MACROD2: variants seen among roughly 807,000 people sequenced by gnomAD.
MACROD2 encodes the protein ADP-ribose glycohydrolase MACROD2.
MACROD2 carries 36 observed loss-of-function variants against 70.4 expected under a neutral mutation model. The observed-to-expected ratio is 0.51, with a 90% CI of 0.39 to 0.68. The LOEUF (loss-of-function observed/expected upper bound fraction) is 0.68. MACROD2 is among the 30% of genes least tolerant of loss of function. MACROD2 has a pLI of 0.00. For missense variants in MACROD2, 496 were observed against 538.4 expected (o/e 0.92, Z 0.78); for synonymous variants, 172 against 178.8 (o/e 0.96, Z 0.30).
In MACROD2 at chr20:15,671,260, G is replaced by A. The variant is rs376712547; in HGVS notation, c.645+171413G>A. The stretch of plus-strand genomic sequence containing the variant: ...AGTTCCTAAAACAGCAAGATGGCAA[G>A]CCCCAATCCTCTTTGCAAGCTTTTA... On this transcript the variant is annotated intron_variant, in intron 8 of 17. Coordinates refer to ENST00000684519, the MANE Select transcript of MACROD2 (RefSeq NM_001351661.2). Among the ~76,000 whole-genome samples the A allele has an allele frequency of 2.6e-5, 4 of 152,190 alleles. No individual in the cohort carries two copies. The East Asian group carries it at 5.8e-4, about 22-fold the overall frequency.
intron 4 of MACROD2, among the ~76,000 whole-genome samples, chr20:14,646,777 C>A (rs1469770016): frequency 6.6e-6 from 1 of 152,060 alleles, no homozygotes; most frequent in African/African-American, 2.4e-5. Context: ...TGTCATTTAT[C>A]ATTTTAATAC....
At chr20:15,246,661 C>T (rs954663190) in intron 6 of MACROD2, among the ~76,000 whole-genome samples, 47 of 152,284 alleles carry the variant, frequency 3.1e-4, no homozygotes, top group African/African-American at 1.1e-3. Flanking sequence ...CAGCTTGGCA[C>T]TTCCTCAAAA....
intron 10 of MACROD2, among the ~76,000 whole-genome samples, chr20:15,901,751 A>G (rs1231857210): frequency 6.6e-6 from 1 of 152,296 alleles, no homozygotes; most frequent in South Asian, 2.1e-4. Flanking sequence ...AACTGTCTCT[A>G]AAACTTTAAG....
At chr20:14,798,202 C>G (rs6074800) in intron 5 of MACROD2, among the ~76,000 whole-genome samples, 2 of 151,974 alleles carry the variant, frequency 1.3e-5, no homozygotes, top group East Asian at 3.9e-4. Flanking sequence ...ACTCATAAAC[C>G]TGATTTCATT....
At chr20:14,238,606 G>T (rs1601387616) in intron 3 of MACROD2, among the ~76,000 whole-genome samples, 2 of 152,234 alleles carry the variant, frequency 1.3e-5, no homozygotes, top group East Asian at 3.9e-4. Flanking sequence ...TGGAAGAGAG[G>T]ATGTCAAACT....
intron 3 of MACROD2, among the ~76,000 whole-genome samples, chr20:14,170,025 CT>C (rs1382122738): frequency 6.6e-6 from 1 of 152,116 alleles, no homozygotes; most frequent in African/African-American, 2.4e-5. Flanking sequence ...TCCTGAATAG[CT>C]GGGATTACAG....
chr20:14,024,284 T>C (rs2053126568), intron 2 of MACROD2, among the ~76,000 whole-genome samples: 1 of 152,246 alleles, frequency 6.6e-6, no homozygotes, highest in Non-Finnish European at 1.5e-5. Context: ...TTAGGAAATT[T>C]GGGGGCTGAG....
At chr20:14,263,671 C>T (rs1004672807) in intron 3 of MACROD2, among the ~76,000 whole-genome samples, 12 of 151,920 alleles carry the variant, frequency 7.9e-5, no homozygotes, top group East Asian at 1.9e-4. Flanking sequence ...AAATAAGAAA[C>T]GAAGAAAAGC....
At position 15,994,316 on chromosome 20, in the gene MACROD2, ATATTAT is replaced by A. The variant is rs143497538; in HGVS notation, c.1153+7161_1153+7166del. 0.013 allele frequency among the ~76,000 whole-genome samples: 2,052 copies of A among 152,272 alleles called. 171 individuals are homozygous for A. The East Asian group carries it at 0.23, about 17-fold the overall frequency. ...GTTGTGAGATGTGCCATTATTTTAC[ATATTAT>A]TAATAAATTTTCTAAAATCTGGCTT... On this transcript the variant is annotated intron_variant, in intron 15 of 17. Coordinates refer to ENST00000684519, the MANE Select transcript of MACROD2 (RefSeq NM_001351661.2).
At chr20:15,761,232 G>A (rs2146998584) in intron 8 of MACROD2, among the ~76,000 whole-genome samples, 1 of 152,304 alleles carries the variant, frequency 6.6e-6, no homozygotes, top group South Asian at 2.1e-4. Context: ...TTTTAGTAGA[G>A]ATGGGGTTTT....
At chr20:15,381,234 C>A (rs1323557046) in intron 6 of MACROD2, among the ~76,000 whole-genome samples, 1 of 151,854 alleles carries the variant, frequency 6.6e-6, no homozygotes, top group African/African-American at 2.4e-5. Flanking sequence ...CTTTGTTAAA[C>A]ATTTACCAGC....
intron 5 of MACROD2, among the ~76,000 whole-genome samples, chr20:15,175,946 C>T (rs1865774389): frequency 6.6e-6 from 1 of 152,198 alleles, no homozygotes; most frequent in Non-Finnish European, 1.5e-5. Context: ...TCTGCACTCT[C>T]GGAGGCCTGG....
chr20:14,505,665 G>A (rs1193032108), intron 4 of MACROD2, among the ~76,000 whole-genome samples: 1 of 152,182 alleles, frequency 6.6e-6, no homozygotes, highest in Non-Finnish European at 1.5e-5. Context: ...CAGAATTTCT[G>A]TTTTAGTAAG....
At chr20:15,065,031 G>GA (rs372430575) in intron 5 of MACROD2, among the ~76,000 whole-genome samples, 33 of 150,844 alleles carry the variant, frequency 2.2e-4, no homozygotes, top group South Asian at 4.2e-4. Context: ...TTGGTAAACG[G>GA]AAAAAAAAAG....
At chr20:14,685,537 A>G (rs1406371545) in intron 5 of MACROD2, among the ~76,000 whole-genome samples, 1 of 152,178 alleles carries the variant, frequency 6.6e-6, no homozygotes, top group East Asian at 1.9e-4. Flanking sequence ...GTTATATTTT[A>G]ATAGAGAGAA....
intron 8 of MACROD2, among the ~76,000 whole-genome samples, chr20:15,803,230 T>G (rs755098106): frequency 2.6e-5 from 4 of 151,890 alleles, no homozygotes; most frequent in Non-Finnish European, 5.9e-5. Context: ...CAGGCCAATA[T>G]CCCTGACGAA....
intron 4 of MACROD2, among the ~76,000 whole-genome samples, chr20:14,670,328 A>G (rs1181247604): frequency 1.3e-5 from 2 of 152,070 alleles, no homozygotes; most frequent in Non-Finnish European, 2.9e-5. Flanking sequence ...TGTTGATGGA[A>G]ATATCCCTTC....
chr20:15,795,721 G>T (rs1186752263), intron 8 of MACROD2, among the ~76,000 whole-genome samples: 1 of 152,148 alleles, frequency 6.6e-6, no homozygotes, highest in Non-Finnish European at 1.5e-5. Context: ...CATTTGCATG[G>T]CATTATAAGA....
intron 5 of MACROD2, among the ~76,000 whole-genome samples, chr20:14,904,351 A>AT (rs1159262297): frequency 6.6e-6 from 1 of 152,174 alleles, no homozygotes; most frequent in Non-Finnish European, 1.5e-5. Flanking sequence ...GTATTCACTG[A>AT]TTTTATCCAT....
Sources: allele counts gnomAD v4.1 joint callset (sites outside exome capture counted in the v4.1 genomes callset), GRCh38; gene constraint gnomAD v4.1.1; transcripts MANE v1.5; gene names NCBI Gene and HGNC (gene_info 2026-07-23, HGNC 2026-07-21).